The following LMAN1 variants were observed in gnomAD, a reference collection of about 807,000 sequenced individuals.
LMAN1 encodes lectin, mannose binding 1.
LMAN1 carries 32 observed loss-of-function variants against 67.8 expected under a neutral mutation model. The ratio of observed to expected loss-of-function variants is 0.47; its 90% CI spans 0.36 to 0.63. The LOEUF is 0.63. Ranked by LOEUF, LMAN1 falls within the 30% of genes least tolerant of loss-of-function variation. The pLI is 0.00. For missense variants in LMAN1, 632 were observed against 628.2 expected (o/e 1.01, Z -0.06); for synonymous variants, 235 against 219.3 (o/e 1.07, Z -0.63).
intron 8 of LMAN1, among the ~76,000 whole-genome samples, chr18:59,342,642 G>T (rs1261773726): frequency 6.6e-6 from 1 of 150,958 alleles, no homozygotes; most frequent in African/African-American, 2.4e-5. Context: ...AATCCTCAAT[G>T]AACACACCTC....
chr18:59,357,012 G>T (rs185857905), intron 1 of LMAN1, among the ~76,000 whole-genome samples: 1 of 152,230 alleles, frequency 6.6e-6, no homozygotes, highest in East Asian at 1.9e-4. Context: ...GTTTAAACTA[G>T]ATCTTAAATT....
chr18:59,332,365 T>C (rs1215176337), intron 11 of LMAN1, among the ~76,000 whole-genome samples: 2 of 152,094 alleles, frequency 1.3e-5, no homozygotes, highest in Non-Finnish European at 2.9e-5. Flanking sequence ...ATTCAAGGCA[T>C]ATATACAGGA....
At chr18:59,354,811 T>C (rs1002769654) in intron 3 of LMAN1, among the ~76,000 whole-genome samples, 1 of 152,182 alleles carries the variant, frequency 6.6e-6, no homozygotes, top group East Asian at 1.9e-4. Flanking sequence ...CTTAAGGCTG[T>C]TAAGCCACAA....
At chr18:59,357,083 A>G (rs1321130273) in intron 1 of LMAN1, among the ~76,000 whole-genome samples, 2 of 152,210 alleles carry the variant, frequency 1.3e-5, no homozygotes, top group East Asian at 1.9e-4. Flanking sequence ...AAAATGATCA[A>G]TGTAGTTACA....
Position 59,355,658 on chromosome 18 carries a change from T to A in LMAN1, c.215A>T (p.Asn72Ile), listed in dbSNP as rs780412332. Residue 72 changes from asparagine (N) to isoleucine (I), a missense_variant and splice_region_variant, in exon 2 of 13, where the codon AAT becomes ATT. Physicochemically the swap from Asn to Ile is moderately radical, Grantham distance 149. Coordinates refer to ENST00000251047, the MANE Select transcript of LMAN1 (RefSeq NM_005570.4). ...AATTTGATCTGAACTTGGAATAGCA[T>A]CTAGAACAGAAATCAGGGGAAAAAA... Reference protein sequence around the residue: ...GTVPFWAHAGNAIPSSDQIRV... With the variant: ...GTVPFWAHAGIAIPSSDQIRV... 6.2e-7 allele frequency: 1 copy of A among 1,613,552 alleles called. No individual in the cohort carries two copies. The highest frequency in any genetic ancestry group is 1.1e-5 in the South Asian group (1 of 91,080).
intron 8 of LMAN1, among the ~76,000 whole-genome samples, chr18:59,343,082 T>C (rs923732217): frequency 7.1e-5 from 10 of 140,274 alleles, no homozygotes; most frequent in African/African-American, 2.7e-4. Flanking sequence ...CCTAGAAATA[T>C]ATTTAACCAA....
intron 8 of LMAN1, among the ~76,000 whole-genome samples, chr18:59,345,478 A>T (rs1462089612): frequency 2.0e-5 from 3 of 152,212 alleles, no homozygotes; most frequent in African/African-American, 7.2e-5. Flanking sequence ...GATTTTAAGG[A>T]TTATCTCCAC....
chr18:59,347,876 G>A (rs983628001), intron 6 of LMAN1, among the ~76,000 whole-genome samples: 1 of 152,204 alleles, frequency 6.6e-6, no homozygotes, highest in Non-Finnish European at 1.5e-5. Context: ...ACAAACAAAT[G>A]AAGGGTCAAA....
chr18:59,344,328 G>A (rs1204577339), intron 8 of LMAN1, among the ~76,000 whole-genome samples: 1 of 152,146 alleles, frequency 6.6e-6, no homozygotes, highest in Non-Finnish European at 1.5e-5. Context: ...ATATCAAAAA[G>A]ATACTTGCAC....
At chr18:59,337,023 T>C (rs1030736742) in intron 10 of LMAN1, among the ~76,000 whole-genome samples, 20 of 151,688 alleles carry the variant, frequency 1.3e-4, no homozygotes, top group Admixed American at 9.2e-4. Context: ...GATACTTACA[T>C]AGTCTCAAAG....
At chr18:59,349,069 AC>A (rs1208849186) in intron 6 of LMAN1, 43 bp downstream of exon 6, 1 of 1,611,540 alleles carries the variant, frequency 6.2e-7, no homozygotes, top group South Asian at 1.1e-5. Flanking sequence ...TCCCAATAAA[AC>A]ACACCTCACA....
In LMAN1 at chr18:59,353,228, T is replaced by C; in HGVS notation, c.613A>G (p.Ile205Val). Residue 205 changes from isoleucine (I) to valine (V), a missense_variant, in exon 5 of 13, where the codon ATT (isoleucine) becomes GTT (valine). Physicochemically the swap from Ile to Val is conservative, Grantham distance 29. Transcript: ENST00000251047. ...RNKPYPVRAK[I>V]TYYQNTLTVM... is the part of the protein sequence containing the mutation. The stretch of plus-strand genomic sequence containing the variant: ...GTCAGTGTGTTCTGGTAATAGGTAA[T>C]CTTTGCTCGGACAGGATAGGGTTTG... The C allele has an allele frequency of 6.2e-7, 1 of 1,614,080 alleles. No individual in the cohort carries two copies. Among genetic ancestry groups the C allele is most frequent in the Admixed American group, 1.7e-5 (1 of 60,034 alleles).
At chr18:59,353,898 C>T (rs935959704) in intron 4 of LMAN1, among the ~76,000 whole-genome samples, 27 of 152,130 alleles carry the variant, frequency 1.8e-4, no homozygotes, top group Middle Eastern at 3.2e-3. Flanking sequence ...TTTAAATCAT[C>T]TCTAGATTAC....
Position 59,338,748 on chromosome 18 carries a change from C to G in LMAN1, c.1149+12G>C, listed in dbSNP as rs1375506358. 1.2e-6 allele frequency: 2 copies of G among 1,614,002 alleles called. No homozygotes were observed. Among genetic ancestry groups the G allele is most frequent in the Non-Finnish European group, 1.7e-6 (2 of 1,179,888 alleles). On this transcript the variant is annotated intron_variant, in intron 9 of 12. Transcript: ENST00000251047. Reference sequence around the variant, plus strand: ...GGTAAATGGGGCACATCTGCATATTCTGCAAGCCCACCTGCCCATGCTGCC... The same window carrying G: ...GGTAAATGGGGCACATCTGCATATTGTGCAAGCCCACCTGCCCATGCTGCC...
At chr18:59,355,792 G>C in intron 1 of LMAN1, 134 bp from the exon 2 acceptor site, 1 of 1,014,058 alleles carries the variant, frequency 9.9e-7, no homozygotes, top group Admixed American at 2.1e-5. Context: ...ATTTCATGTT[G>C]ACAGTTTTAA....
In LMAN1 at chr18:59,338,542, C is replaced by A. The variant is rs1456766827; in HGVS notation, c.1220+15G>T. ...AAAATCACATAACACACAAACGCTACTTTTCCATACTTACTTCATTTCATT... is the reference window on the plus strand; with the variant it reads ...AAAATCACATAACACACAAACGCTAATTTTCCATACTTACTTCATTTCATT... On this transcript the variant is annotated intron_variant, in intron 10 of 12. Transcript: ENST00000251047. 2.2e-5 allele frequency: 35 copies of A among 1,607,000 alleles called. No individual in the cohort carries two copies. The Admixed American group carries it at 5.8e-4, about 27-fold the overall frequency.
intron 7 of LMAN1, 58 bp from the exon 8 acceptor site, chr18:59,346,109 C>A: frequency 7.2e-7 from 1 of 1,386,414 alleles, no homozygotes. Context: ...ATTAAGATAT[C>A]TCTATACATG....
chr18:59,337,392 G>T (rs544102856), intron 10 of LMAN1, among the ~76,000 whole-genome samples: 97 of 152,142 alleles, frequency 6.4e-4, no homozygotes, highest in Middle Eastern at 6.8e-3. Flanking sequence ...TCCTGGAATA[G>T]AATAGGCCTT....
At chr18:59,357,356 TATGTGA>T (rs1183124299) in intron 1 of LMAN1, among the ~76,000 whole-genome samples, 3 of 152,186 alleles carry the variant, frequency 2.0e-5, no homozygotes, top group Non-Finnish European at 2.9e-5. Flanking sequence ...TAATGTAGTG[TATGTGA>T]GTGTGAGAAA....
Sources: gnomAD v4.1 joint callset for allele counts (sites outside exome capture counted in the v4.1 genomes callset) on GRCh38, gnomAD v4.1.1 for gene constraint, MANE v1.5 for transcripts, NCBI Gene and HGNC (gene_info 2026-07-23, HGNC 2026-07-21) for gene names.